LRIG1: variants seen among roughly 807,000 people sequenced by gnomAD.
The protein encoded by LRIG1 is leucine rich repeats and immunoglobulin like domains 1.
LRIG1 carries 48 observed loss-of-function variants against 99.2 expected under a neutral mutation model. The observed-to-expected ratio is 0.48, with a 90% CI of 0.38 to 0.62. The LOEUF is 0.62. Among genes scored for constraint, LRIG1 ranks in the 20% least tolerant of loss-of-function variants. LRIG1 has a pLI of 0.00. For synonymous variants in LRIG1, 772 were observed against 596.1 expected, an observed-to-expected ratio of 1.29 and a Z score of -4.30; for missense variants, 1,646 against 1,434.4, an observed-to-expected ratio of 1.15 and a Z score of -2.38.
At chr3:66,422,619 T>A (rs1487398352) in intron 3 of LRIG1, among the ~76,000 whole-genome samples, 1 of 152,188 alleles carries the variant, frequency 6.6e-6, no homozygotes, top group Non-Finnish European at 1.5e-5. Flanking sequence ...CTCTAGGAAG[T>A]TCCAAACTTT....
chr3:66,442,957 A>C (rs940040), intron 3 of LRIG1, among the ~76,000 whole-genome samples: 248 of 151,728 alleles, frequency 1.6e-3, no homozygotes, highest in African/African-American at 5.7e-3. Flanking sequence ...CACCACCCCC[A>C]CTCTCAAAGA....
chr3:66,472,630 A>G (rs1005246336), intron 1 of LRIG1, among the ~76,000 whole-genome samples: 1 of 152,204 alleles, frequency 6.6e-6, no homozygotes, highest in Non-Finnish European at 1.5e-5. Flanking sequence ...AGGGTGGCCA[A>G]ATTCCAAGCC....
At chr3:66,408,913 A>AGTGTGTGTGTGTGTGTGTGTGTGTGTGT (rs55651719) in intron 7 of LRIG1, among the ~76,000 whole-genome samples, 3 of 34,914 alleles carry the variant, frequency 8.6e-5, no homozygotes, top group East Asian at 1.4e-3. Flanking sequence ...ACTCCAAGTC[A>AGTGTGTGTGTGTGTGTGTGTGTGTGTGT]GTGTGTGTGT....
rs1559805913 is a variant in LRIG1 at position 66,451,648 on chromosome 3, A to G, written c.291-15T>C. On this transcript the variant is annotated splice_polypyrimidine_tract_variant and intron_variant, in intron 2 of 18. Coordinates refer to ENST00000273261, the MANE Select transcript of LRIG1 (RefSeq NM_015541.3). ...TATTGAGGTACCTGTAACAACAACA[A>G]GAAATTAATCATGTAAGGCATTTGA... 1.2e-6 allele frequency: 2 copies of G among 1,601,170 alleles called. No individual in the cohort carries two copies. The highest frequency in any genetic ancestry group is 8.6e-7 in the Non-Finnish European group (1 of 1,168,432).
intron 7 of LRIG1, 112 bp from the exon 8 acceptor site, chr3:66,407,603 G>A: frequency 5.0e-6 from 6 of 1,200,872 alleles, no homozygotes; most frequent in Non-Finnish European, 7.2e-6. Flanking sequence ...TGACACAGAT[G>A]CACACGCACG....
intron 3 of LRIG1, among the ~76,000 whole-genome samples, chr3:66,422,215 A>G (rs1422959046): frequency 6.6e-6 from 1 of 152,218 alleles, no homozygotes; most frequent in East Asian, 1.9e-4. Flanking sequence ...TCAGCTCCTC[A>G]TTACTTATGC....
At chr3:66,421,039 G>A (rs1702791958) in intron 3 of LRIG1, among the ~76,000 whole-genome samples, 1 of 152,116 alleles carries the variant, frequency 6.6e-6, no homozygotes, top group South Asian at 2.1e-4. Flanking sequence ...GGTCTTATGA[G>A]ACTCATTCAC....
chr3:66,495,090 A>G (rs927691884), intron 1 of LRIG1, among the ~76,000 whole-genome samples: 1 of 152,250 alleles, frequency 6.6e-6, no homozygotes, highest in African/African-American at 2.4e-5. Context: ...AACTTGAAAC[A>G]AAAGCACAAG....
At chr3:66,381,694 A>C in intron 16 of LRIG1, 63 bp from the exon 17 acceptor site, 1 of 1,563,260 alleles carries the variant, frequency 6.4e-7, no homozygotes, top group Non-Finnish European at 8.8e-7. Context: ...AAGCCTTATG[A>C]AAGGAATGAG....
intron 3 of LRIG1, among the ~76,000 whole-genome samples, chr3:66,425,566 T>G (rs376696490): frequency 5.9e-5 from 9 of 152,208 alleles, no homozygotes; most frequent in African/African-American, 2.2e-4. Flanking sequence ...CCACTTAAGT[T>G]TACAAAAAAG....
Position 66,386,353 on chromosome 3 carries a change from A to C in LRIG1, c.1469-52T>G, listed in dbSNP as rs114033834. ...GCGCTGGGTTCTTGGTACACAGAGG[A>C]ACCAGCTGCTGTTCATGCTAACAGA... On this transcript the variant is annotated intron_variant, in intron 12 of 18. Coordinates refer to ENST00000273261, the MANE Select transcript of LRIG1 (RefSeq NM_015541.3). 4.1e-4 allele frequency: 601 copies of C among 1,478,376 alleles called. 3 individuals carry two copies. The African/African-American group carries it at 7.9e-3, about 19-fold the overall frequency. 91.6% of individuals were successfully genotyped at this position (1,478,376 alleles called of 1,614,324 possible).
At chr3:66,421,027 C>G (rs191231476) in intron 3 of LRIG1, among the ~76,000 whole-genome samples, 1 of 152,278 alleles carries the variant, frequency 6.6e-6, no homozygotes, top group Non-Finnish European at 1.5e-5. Flanking sequence ...TTAAAACCAT[C>G]AGGTCTTATG....
intron 2 of LRIG1, among the ~76,000 whole-genome samples, chr3:66,453,096 T>C (rs902200972): frequency 2.0e-5 from 3 of 152,216 alleles, no homozygotes; most frequent in Non-Finnish European, 4.4e-5. Context: ...AAACTCCCCA[T>C]TAGTCTTAAT....
intron 12 of LRIG1, chr3:66,387,784 A>G (rs1011086136): frequency 6.6e-5 from 10 of 151,960 alleles, no homozygotes; most frequent in African/African-American, 2.2e-4. Flanking sequence ...CCTCAAGGAA[A>G]CCATGTCTTA....
chr3:66,437,933 G>A (rs1038188064), intron 3 of LRIG1, among the ~76,000 whole-genome samples: 13 of 152,214 alleles, frequency 8.5e-5, no homozygotes, highest in African/African-American at 2.9e-4. Flanking sequence ...TTAGAGGTGG[G>A]AGAACAGGAA....
intron 1 of LRIG1, among the ~76,000 whole-genome samples, chr3:66,485,076 T>A (rs977482575): frequency 6.6e-6 from 1 of 151,192 alleles, no homozygotes; most frequent in Non-Finnish European, 1.5e-5. Flanking sequence ...GAAAATTGCT[T>A]GAACCTGTGA....
chr3:66,434,577 T>C (rs1216822591), intron 3 of LRIG1, among the ~76,000 whole-genome samples: 1 of 151,804 alleles, frequency 6.6e-6, no homozygotes, highest in Non-Finnish European at 1.5e-5. Context: ...CGAAACCCTG[T>C]CTCTACTAAA....
At chr3:66,481,520 TACAC>T (rs35420784) in intron 1 of LRIG1, among the ~76,000 whole-genome samples, 5,894 of 150,028 alleles carry the variant, frequency 0.039, 383 homozygotes, top group African/African-American at 0.13. Context: ...AGGGTTTATG[TACAC>T]ACACACACAC....
At chr3:66,429,716 G>A (rs1355925701) in intron 3 of LRIG1, among the ~76,000 whole-genome samples, 1 of 151,806 alleles carries the variant, frequency 6.6e-6, no homozygotes, top group African/African-American at 2.4e-5. Flanking sequence ...ATAATGGATC[G>A]ATATTGACTC....
Sources: allele counts gnomAD v4.1 joint callset (sites outside exome capture counted in the v4.1 genomes callset), GRCh38; gene constraint gnomAD v4.1.1; transcripts MANE v1.5; gene names NCBI Gene and HGNC (gene_info 2026-07-23, HGNC 2026-07-21).